Variants in GALNT13 observed in about 807,000 individuals in gnomAD.
GALNT13 encodes the protein UDP-GalNAc:polypeptide N-acetylgalactosaminyltransferase 13.
Under a neutral mutation model 64.2 loss-of-function variants are expected in GALNT13, and 28 were observed. The observed-to-expected ratio is 0.44, with a 90% CI of 0.32 to 0.60. The LOEUF is 0.60. Ranked by LOEUF, GALNT13 falls within the 20% of genes least tolerant of loss-of-function variation. GALNT13 has a pLI of 0.05. For missense variants in GALNT13, 577 were observed against 669.8 expected (o/e 0.86, Z 1.53); for synonymous variants, 214 against 224.6 (o/e 0.95, Z 0.42).
chr2:154,445,943 T>G, intron 12 of GALNT13: 1 of 546,860 alleles, frequency 1.8e-6, no homozygotes, highest in East Asian at 6.9e-5. Flanking sequence ...TAATTAAAAT[T>G]GTTTGGAGAA....
intron 1 of GALNT13, among the ~76,000 whole-genome samples, chr2:153,881,139 C>T (rs1471367637): frequency 6.6e-6 from 1 of 152,150 alleles, no homozygotes; most frequent in Non-Finnish European, 1.5e-5. Flanking sequence ...TGTGCTTGGG[C>T]CCTGTGGTCA....
chr2:153,399,785 A>T, the GALNT13 span, among the ~76,000 whole-genome samples: 1 of 152,116 alleles, frequency 6.6e-6, no homozygotes, highest in Non-Finnish European at 1.5e-5. Context: ...GTATCCTGGG[A>T]CTTTGCTGAA....
At chr2:154,338,462 G>GA (rs1371227410) in intron 9 of GALNT13, among the ~76,000 whole-genome samples, 9 of 152,048 alleles carry the variant, frequency 5.9e-5, no homozygotes, top group Admixed American at 3.9e-4. Flanking sequence ...TTCAATTAGG[G>GA]ATGGCCAGAT....
chr2:154,287,348 G>A, intron 8 of GALNT13: 1 of 578,568 alleles, frequency 1.7e-6, no homozygotes, highest in Non-Finnish European at 3.2e-6. Flanking sequence ...GCGAGACATT[G>A]CATTCCAGCT....
At chr2:153,876,818 A>G (rs1686415022) in intron 1 of GALNT13, among the ~76,000 whole-genome samples, 1 of 152,138 alleles carries the variant, frequency 6.6e-6, no homozygotes, top group African/African-American at 2.4e-5. Flanking sequence ...TAATTTTTAA[A>G]AGTTATCACT....
intron 4 of GALNT13, among the ~76,000 whole-genome samples, chr2:154,199,311 G>A (rs1687047159): frequency 6.6e-6 from 1 of 151,916 alleles, no homozygotes; most frequent in South Asian, 2.1e-4. Flanking sequence ...GAAAGGGGAA[G>A]CATTTTAAGT....
intron 9 of GALNT13, among the ~76,000 whole-genome samples, chr2:154,347,227 CT>C (rs1696118321): frequency 6.6e-6 from 1 of 152,060 alleles, no homozygotes. Context: ...ATTTCCTCTT[CT>C]ATATACTCTG....
intron 9 of GALNT13, among the ~76,000 whole-genome samples, chr2:154,340,504 GT>G (rs1240380527): frequency 6.6e-6 from 1 of 151,956 alleles, no homozygotes; most frequent in Non-Finnish European, 1.5e-5. Context: ...TTAATAAAAT[GT>G]TTTTTTGATT....
intron 3 of GALNT13, among the ~76,000 whole-genome samples, chr2:154,099,765 C>A (rs550599298): frequency 2.0e-5 from 3 of 152,144 alleles, no homozygotes; most frequent in Admixed American, 2.0e-4. Flanking sequence ...CAGTGAAACC[C>A]TCTCTCTACA....
the GALNT13 span, among the ~76,000 whole-genome samples, chr2:153,794,072 A>G: frequency 0.22 from 33,449 of 152,126 alleles, 4,125 homozygotes; most frequent in Non-Finnish European, 0.28. Flanking sequence ...TTAAATATCA[A>G]AGAGTTTAGT....
the GALNT13 span, among the ~76,000 whole-genome samples, chr2:153,172,454 A>G: frequency 6.6e-6 from 1 of 152,104 alleles, no homozygotes; most frequent in Non-Finnish European, 1.5e-5. Flanking sequence ...TGGACAGACT[A>G]CTTAGGATTC....
At chr2:153,842,053 T>C in the GALNT13 span, among the ~76,000 whole-genome samples, 1 of 151,884 alleles carries the variant, frequency 6.6e-6, no homozygotes, top group Non-Finnish European at 1.5e-5. Flanking sequence ...TGGGAGAGAT[T>C]CTGTTTCCCA....
chr2:153,391,856 G>A, the GALNT13 span, among the ~76,000 whole-genome samples: 2 of 151,400 alleles, frequency 1.3e-5, no homozygotes, highest in South Asian at 4.2e-4. Flanking sequence ...AAACTACTTT[G>A]CAAAGGAAAA....
the GALNT13 span, among the ~76,000 whole-genome samples, chr2:153,786,266 C>A: frequency 6.6e-6 from 1 of 152,124 alleles, no homozygotes; most frequent in Admixed American, 6.5e-5. Flanking sequence ...CCCTAACAGT[C>A]CTTGGGATGG....
At chr2:153,568,091 AATAG>A in the GALNT13 span, among the ~76,000 whole-genome samples, 9 of 152,206 alleles carry the variant, frequency 5.9e-5, no homozygotes, top group African/African-American at 2.2e-4. Flanking sequence ...ATTCTCGAAT[AATAG>A]ATTGAGCTCT....
At chr2:153,743,284 T>C in the GALNT13 span, among the ~76,000 whole-genome samples, 1 of 152,164 alleles carries the variant, frequency 6.6e-6, no homozygotes, top group Non-Finnish European at 1.5e-5. Flanking sequence ...ACATTTTCTT[T>C]ATCCATTCAT....
At chr2:153,335,363 T>G in the GALNT13 span, among the ~76,000 whole-genome samples, 1 of 152,186 alleles carries the variant, frequency 6.6e-6, no homozygotes, top group Non-Finnish European at 1.5e-5. Context: ...AGTTTGAAAC[T>G]TTCTACAGAC....
chr2:153,267,757 T>G, the GALNT13 span, among the ~76,000 whole-genome samples: 1 of 152,226 alleles, frequency 6.6e-6, no homozygotes, highest in Non-Finnish European at 1.5e-5. Context: ...TCCTTATTAC[T>G]TGTGAAATTT....
chr2:153,692,341 T>G, the GALNT13 span, among the ~76,000 whole-genome samples: 3 of 152,162 alleles, frequency 2.0e-5, no homozygotes, highest in African/African-American at 4.8e-5. Context: ...TTAAGAGCAT[T>G]CCAATTATGT....
Sources: gnomAD v4.1 joint callset for allele counts (sites outside exome capture counted in the v4.1 genomes callset) on GRCh38, gnomAD v4.1.1 for gene constraint, MANE v1.5 for transcripts, NCBI Gene and HGNC (gene_info 2026-07-23, HGNC 2026-07-21) for gene names.